PPIH: variants seen among roughly 807,000 people sequenced by gnomAD.
The protein encoded by PPIH is peptidyl-prolyl cis-trans isomerase H.
A neutral mutation model predicts 27.6 loss-of-function variants in PPIH; 16 were observed. The observed-to-expected ratio is 0.58, with a 90% CI of 0.39 to 0.88. The LOEUF (loss-of-function observed/expected upper bound fraction) is 0.88, where lower values mean the gene tolerates loss of function less well. Among genes scored for constraint, PPIH ranks in the 40% least tolerant of loss-of-function variants. The pLI, the probability that PPIH is intolerant of heterozygous loss-of-function variation, is 0.00. For missense variants in PPIH, 155 were observed against 224.1 expected (o/e 0.69, Z 1.97); for synonymous variants, 63 against 76.1 (o/e 0.83, Z 0.90).
Position 42,660,889 on chromosome 1 carries a change from T to G in PPIH, c.228T>G (p.Gly76=). The change falls in exon 5 of 10, where the codon GGT becomes GGG. Residue 76 remains glycine, a synonymous_variant. Transcript: ENST00000304979. ...TCATAAAGGATTTCATGATTCAGGG[T>G]GGAGATTTTGTTAATGTAAGTACTA... The part of the protein sequence containing the change: ...HRVIKDFMIQ[G]GDFVNGDGTG... The G allele has an allele frequency of 1.2e-6, 2 of 1,611,304 alleles. No homozygotes were observed. Among genetic ancestry groups the G allele is most frequent in the Non-Finnish European group, 1.7e-6 (2 of 1,178,004 alleles).
intron 9 of PPIH, among the ~76,000 whole-genome samples, chr1:42,671,922 C>G (rs370763124): frequency 2.7e-5 from 4 of 149,224 alleles, no homozygotes; most frequent in African/African-American, 7.4e-5. Flanking sequence ...CTTGCTCTGT[C>G]GCCCAGGCTA....
chr1:42,675,352 CA>C (rs1434942928), intron 9 of PPIH: 1 of 152,272 alleles, frequency 6.6e-6, no homozygotes, highest in African/African-American at 2.4e-5. Flanking sequence ...CTGATCCCTC[CA>C]CCTCCTCTTC....
chr1:42,664,477 G>A (rs1355351210), intron 5 of PPIH, among the ~76,000 whole-genome samples: 2 of 152,180 alleles, frequency 1.3e-5, no homozygotes, highest in African/African-American at 4.8e-5. Flanking sequence ...GATAGTTTAG[G>A]GGAATGGGGT....
intron 8 of PPIH, among the ~76,000 whole-genome samples, chr1:42,666,986 T>C (rs1320605612): frequency 2.0e-5 from 3 of 152,162 alleles, no homozygotes. Context: ...CACAGTTTCC[T>C]CTAGCCGGAA....
At chr1:42,677,757 T>G (rs1019962756), downstream of PPIH, among the ~76,000 whole-genome samples, 1 of 151,632 alleles carries the variant, frequency 6.6e-6, no homozygotes, top group Admixed American at 6.6e-5. Context: ...CCTAGGAGTT[T>G]GGTGTTGCAG....
At chr1:42,667,705 C>G (rs1235122152) in intron 9 of PPIH, among the ~76,000 whole-genome samples, 1 of 152,156 alleles carries the variant, frequency 6.6e-6, no homozygotes, top group Non-Finnish European at 1.5e-5. Context: ...TTGTAATGTA[C>G]AAAGTATCAA....
intron 9 of PPIH, among the ~76,000 whole-genome samples, chr1:42,672,894 C>A (rs1175896777): frequency 6.6e-6 from 1 of 152,120 alleles, no homozygotes; most frequent in Non-Finnish European, 1.5e-5. Flanking sequence ...TGTGATCTGC[C>A]CGCCTTGACT....
At chr1:42,676,244 G>A (rs1416155951) in intron 9 of PPIH, among the ~76,000 whole-genome samples, 4 of 152,006 alleles carry the variant, frequency 2.6e-5, no homozygotes, top group African/African-American at 7.2e-5. Context: ...CTGAGGCAGG[G>A]AGATCACAAG....
intron 3 of PPIH, 33 bp downstream of exon 3, chr1:42,659,284 G>A (rs1437515219): frequency 6.2e-7 from 1 of 1,614,210 alleles, no homozygotes. Context: ...TTCTTTGCCT[G>A]CTCCAGAGGG....
chr1:42,668,501 A>G (rs1649463532), intron 9 of PPIH, among the ~76,000 whole-genome samples: 1 of 152,156 alleles, frequency 6.6e-6, no homozygotes, highest in Admixed American at 6.6e-5. Context: ...TCCTAAAAAT[A>G]AGAACATCCT....
chr1:42,667,394 T>TA lies in PPIH; in HGVS notation c.509_510insA (p.Ile171AspfsTer45), dbSNP rs779985818. On this transcript the variant is annotated frameshift_variant, in exon 9 of 10. Coordinates refer to ENST00000304979, the MANE Select transcript of PPIH (RefSeq NM_006347.4). LOFTEE classifies it high-confidence loss of function. ...AACAATAAGCCCAAGCTACCTGTGGTGATCTCGCAGTGTGGGGAGATGTAG... is the reference window on the plus strand; with the variant it reads ...AACAATAAGCCCAAGCTACCTGTGGTAGATCTCGCAGTGTGGGGAGATGTAG... 6.2e-7 allele frequency: 1 copy of TA among 1,608,234 alleles called. No homozygotes were observed. The highest frequency in any genetic ancestry group is 2.2e-5 in the East Asian group (1 of 44,810).
chr1:42,673,818 G>A (rs1196953104), intron 9 of PPIH, among the ~76,000 whole-genome samples: 3 of 152,218 alleles, frequency 2.0e-5, no homozygotes, highest in African/African-American at 7.2e-5. Context: ...AGGCAATATT[G>A]AAGTTCAAAT....
downstream of PPIH, among the ~76,000 whole-genome samples, chr1:42,680,265 C>T (rs756758078): frequency 6.6e-6 from 1 of 152,204 alleles, no homozygotes; most frequent in Non-Finnish European, 1.5e-5. Flanking sequence ...GTTTACTTGG[C>T]TGGAGAGTTG....
chr1:42,658,830 C>T lies in PPIH; in HGVS notation c.67-14C>T, dbSNP rs760105925. 2 of 1,614,064 alleles carry T rather than the reference C, an allele frequency of 1.2e-6. No homozygotes were observed. On this transcript the variant is annotated splice_polypyrimidine_tract_variant and intron_variant, in intron 1 of 9. Transcript: ENST00000304979. ...CTTGGACTGGGCCTTCTGACACTCT[C>T]CCGCTGATTGCAGGAAGTTGGCCGC...
At chr1:42,658,957 C>T (rs758218181) in intron 2 of PPIH, 49 bp downstream of exon 2, 3 of 1,587,052 alleles carry the variant, frequency 1.9e-6, no homozygotes, top group Non-Finnish European at 1.7e-6. Context: ...AGAAGTCGGG[C>T]TCCAGTCAGC....
chr1:42,675,810 C>A (rs1321362481), intron 9 of PPIH, among the ~76,000 whole-genome samples: 1 of 152,130 alleles, frequency 6.6e-6, no homozygotes, highest in African/African-American at 2.4e-5. Context: ...CCGAAACCTG[C>A]AAGGAAGAAG....
At chr1:42,666,450 T>C in intron 7 of PPIH, 97 bp from the exon 8 acceptor site, 1 of 1,211,542 alleles carries the variant, frequency 8.3e-7, no homozygotes. Context: ...CTAAAGTTAG[T>C]ATGAGGGTTT....
At position 42,658,494 on chromosome 1, in the gene PPIH, T is replaced by G. The variant is rs777062403; in HGVS notation, c.48T>G (p.Asp16Glu). The part of the protein sequence containing the change: ...SSPVNPVVFF[D>E]VSIGGQEVGR... ...CTGTTAACCCCGTGGTGTTCTTTGA[T>G]GTCAGTATTGGCGGTCAGGTGAGAT... The change falls in exon 1 of 10, where the codon GAT (aspartate) becomes GAG (glutamate). Residue 16 changes from aspartate to glutamate, a missense_variant. Asp to Glu is a conservative substitution (Grantham distance 45). Transcript: ENST00000304979. The G allele has an allele frequency of 1.9e-6, 3 of 1,614,144 alleles. No homozygotes were observed. The highest frequency in any genetic ancestry group is 2.5e-6 in the Non-Finnish European group (3 of 1,179,970).
downstream of PPIH, among the ~76,000 whole-genome samples, chr1:42,678,160 AG>A (rs1649942004): frequency 6.6e-6 from 1 of 152,150 alleles, no homozygotes; most frequent in Admixed American, 6.5e-5. Flanking sequence ...GTAACTATAT[AG>A]GGTGGGATTG....
Sources: allele counts gnomAD v4.1 joint callset (sites outside exome capture counted in the v4.1 genomes callset), GRCh38; gene constraint gnomAD v4.1.1; transcripts MANE v1.5; gene names NCBI Gene and HGNC (gene_info 2026-07-23, HGNC 2026-07-21).